Variants in TRPC7 observed in about 807,000 individuals in gnomAD.
TRPC7 encodes the protein short transient receptor potential channel 7.
A neutral mutation model predicts 90.1 loss-of-function variants in TRPC7; 42 were observed. The observed-to-expected ratio is 0.47, with a 90% CI of 0.36 to 0.60. The LOEUF is 0.60. Among genes scored for constraint, TRPC7 ranks in the 20% least tolerant of loss-of-function variants. TRPC7 has a pLI of 0.00. For missense variants in TRPC7, 955 were observed against 1,112.3 expected (o/e 0.86, Z 2.01); for synonymous variants, 451 against 436.3 (o/e 1.03, Z -0.42).
intron 2 of TRPC7, among the ~76,000 whole-genome samples, chr5:136,346,951 C>T (rs1760026625): frequency 2.0e-5 from 3 of 152,266 alleles, no homozygotes; most frequent in South Asian, 4.2e-4. Context: ...TAGGGTGGAT[C>T]CTCAATCCCA....
At chr5:136,332,385 C>T (rs918989645) in intron 2 of TRPC7, among the ~76,000 whole-genome samples, 5 of 151,962 alleles carry the variant, frequency 3.3e-5, no homozygotes, top group Non-Finnish European at 5.9e-5. Context: ...TTTCCTATGG[C>T]GAGATGGGGA....
intron 10 of TRPC7, among the ~76,000 whole-genome samples, chr5:136,220,919 C>G (rs186164877): frequency 6.6e-6 from 1 of 151,410 alleles, no homozygotes; most frequent in Non-Finnish European, 1.5e-5. Context: ...CTCAGATGGC[C>G]GACAATTATG....
intron 2 of TRPC7, among the ~76,000 whole-genome samples, chr5:136,335,632 G>A (rs1759630547): frequency 2.6e-5 from 4 of 151,938 alleles, no homozygotes; most frequent in Admixed American, 6.5e-5. Flanking sequence ...GGCCAGGCGC[G>A]GTGGCTCACG....
intron 3 of TRPC7, among the ~76,000 whole-genome samples, chr5:136,306,602 T>A (rs1185744924): frequency 6.6e-6 from 1 of 152,188 alleles, no homozygotes; most frequent in East Asian, 1.9e-4. Context: ...TCGCATCCCC[T>A]GTGACTTGCA....
At chr5:136,326,806 G>A (rs1312936748) in intron 2 of TRPC7, among the ~76,000 whole-genome samples, 1 of 152,178 alleles carries the variant, frequency 6.6e-6, no homozygotes. Context: ...GAGCTGAAGT[G>A]TACCTGAGGG....
chr5:136,299,464 T>C (rs1195198200), intron 3 of TRPC7, among the ~76,000 whole-genome samples: 1 of 151,926 alleles, frequency 6.6e-6, no homozygotes, highest in East Asian at 1.9e-4. Context: ...AAGATATGAC[T>C]GTGGCTTGGA....
intron 2 of TRPC7, among the ~76,000 whole-genome samples, chr5:136,333,910 G>A (rs1759576910): frequency 6.6e-6 from 1 of 152,148 alleles, no homozygotes; most frequent in Non-Finnish European, 1.5e-5. Flanking sequence ...TTTTGGATAT[G>A]TTACAGTGTT....
At chr5:136,338,645 A>G (rs568160704) in intron 2 of TRPC7, among the ~76,000 whole-genome samples, 45 of 152,380 alleles carry the variant, frequency 3.0e-4, no homozygotes, top group African/African-American at 9.6e-4. Context: ...TAGAAAAGAA[A>G]GAGAGGCACA....
chr5:136,297,029 C>T (rs757232917), intron 3 of TRPC7, among the ~76,000 whole-genome samples: 3 of 152,174 alleles, frequency 2.0e-5, no homozygotes, highest in East Asian at 1.9e-4. Flanking sequence ...AGTCCCTAAA[C>T]GTGATCGCAC....
intron 11 of TRPC7, 107 bp downstream of exon 11, chr5:136,216,093 C>G: frequency 1.1e-6 from 1 of 915,010 alleles, no homozygotes; most frequent in South Asian, 1.6e-5. Context: ...CCTGGAGCCT[C>G]TGGAAAGGAG....
intron 3 of TRPC7, among the ~76,000 whole-genome samples, chr5:136,299,859 G>A (rs1758316081): frequency 6.6e-6 from 1 of 152,278 alleles, no homozygotes; most frequent in African/African-American, 2.4e-5. Flanking sequence ...TCTATTTCTT[G>A]TGGGGCATTG....
In TRPC7 at chr5:136,213,327, G is replaced by A. The variant is rs1218587473; in HGVS notation, c.*108C>T. The A allele has an allele frequency of 9.7e-6, 11 of 1,131,340 alleles. No individual in the cohort carries two copies. The highest frequency in any genetic ancestry group is 4.7e-5 in the African/African-American group (3 of 63,900). The allele number at this position is 1,131,340 out of a possible 1,614,324, so 70.1% of individuals were successfully genotyped here. A position where few individuals can be genotyped will look rare whatever the true frequency, so the allele number is the denominator to read the frequency against. On this transcript the variant is annotated 3_prime_UTR_variant, in exon 12 of 12. Coordinates refer to ENST00000513104, the MANE Select transcript of TRPC7 (RefSeq NM_020389.3). Reference sequence around the variant, plus strand: ...GAGACTGAGCCAGGAGATCCCCTTCGTGTCCTAGAGGAGTGGGCTGGGGAC... The same window carrying A: ...GAGACTGAGCCAGGAGATCCCCTTCATGTCCTAGAGGAGTGGGCTGGGGAC...
intron 2 of TRPC7, among the ~76,000 whole-genome samples, chr5:136,339,839 G>GCAACAA (rs10573372): frequency 0.012 from 1,675 of 138,208 alleles, 13 homozygotes; most frequent in African/African-American, 0.024. Flanking sequence ...TCTCTCTACT[G>GCAACAA]CAACAACAAC....
chr5:136,312,332 T>A (rs866238516), intron 3 of TRPC7, among the ~76,000 whole-genome samples: 2 of 152,106 alleles, frequency 1.3e-5, no homozygotes, highest in Non-Finnish European at 2.9e-5. Flanking sequence ...TCTGGGGAGA[T>A]AACAAAGGAC....
chr5:136,347,883 G>A (rs1399435964), intron 2 of TRPC7, among the ~76,000 whole-genome samples: 1 of 152,174 alleles, frequency 6.6e-6, no homozygotes, highest in Non-Finnish European at 1.5e-5. Context: ...GGAGAAGCAG[G>A]GTCCTGGGGA....
intron 4 of TRPC7, among the ~76,000 whole-genome samples, chr5:136,274,143 A>G (rs1280255457): frequency 6.6e-6 from 1 of 152,220 alleles, no homozygotes; most frequent in African/African-American, 2.4e-5. Flanking sequence ...AGATGTTGCA[A>G]TGTGTCTGCA....
At chr5:136,312,202 G>A (rs1469796815) in intron 3 of TRPC7, among the ~76,000 whole-genome samples, 2 of 152,116 alleles carry the variant, frequency 1.3e-5, no homozygotes, top group African/African-American at 4.8e-5. Flanking sequence ...GAGGCTGAGC[G>A]CCCTCTTAAG....
rs578062220 is a variant in TRPC7 at position 136,293,497 on chromosome 5, C to T, written c.964-18660G>A. The stretch of plus-strand genomic sequence containing the variant: ...CACAAGCATTCTTATACACAAATAA[C>T]GGACAAACAGAGAGCCAAATCATGA... On this transcript the variant is annotated intron_variant, in intron 3 of 11. Transcript: ENST00000513104. Among the ~76,000 whole-genome samples, 11 of 152,222 alleles carry T rather than the reference C, an allele frequency of 7.2e-5. No individual in the cohort carries two copies. The East Asian group carries it at 9.7e-4, about 13-fold the overall frequency.
At chr5:136,340,640 G>A (rs1385876029) in intron 2 of TRPC7, among the ~76,000 whole-genome samples, 1 of 151,738 alleles carries the variant, frequency 6.6e-6, no homozygotes, top group Non-Finnish European at 1.5e-5. Context: ...AAGCCAAACT[G>A]AAAAAACTCA....
Sources: gnomAD v4.1 joint callset for allele counts (sites outside exome capture counted in the v4.1 genomes callset) on GRCh38, gnomAD v4.1.1 for gene constraint, MANE v1.5 for transcripts, NCBI Gene and HGNC (gene_info 2026-07-23, HGNC 2026-07-21) for gene names.